The following SLC30A7 variants were observed in gnomAD, a reference collection of about 807,000 sequenced individuals.
SLC30A7 encodes the protein zinc transporter 7.
In SLC30A7, 35 loss-of-function variants were observed where a neutral mutation model predicts 46.0. The observed-to-expected ratio is 0.76, with a 90% CI of 0.58 to 1.01. The LOEUF (loss-of-function observed/expected upper bound fraction) is 1.01. SLC30A7 is among the 50% of genes least tolerant of loss of function. SLC30A7 has a pLI of 0.00. For synonymous variants in SLC30A7, 147 were observed against 157.8 expected (o/e 0.93, Z 0.51); for missense variants, 464 against 451.1 (o/e 1.03, Z -0.26).
the SLC30A7 span, chr1:100,992,621 C>T: frequency 1.9e-6 from 3 of 1,587,174 alleles, no homozygotes; most frequent in Non-Finnish European, 2.6e-6. Flanking sequence ...GAGAGCCCTT[C>T]TAGTGTCTTG....
chr1:100,904,871 G>A (rs1297277122), intron 2 of SLC30A7, among the ~76,000 whole-genome samples: 2 of 152,042 alleles, frequency 1.3e-5, no homozygotes, highest in Non-Finnish European at 1.5e-5. Context: ...CTCAACCTCA[G>A]GGGTATGATT....
chr1:100,960,071 C>G (rs192034298), intron 8 of SLC30A7, among the ~76,000 whole-genome samples: 1 of 152,290 alleles, frequency 6.6e-6, no homozygotes, highest in African/African-American at 2.4e-5. Flanking sequence ...TCTTAAATCA[C>G]TATTGACTAA....
chr1:100,940,702 A>G (rs1044910797), intron 8 of SLC30A7, among the ~76,000 whole-genome samples: 2 of 152,240 alleles, frequency 1.3e-5, no homozygotes, highest in Non-Finnish European at 2.9e-5. Flanking sequence ...TGATCGGACT[A>G]TAACATTTAG....
intron 2 of SLC30A7, among the ~76,000 whole-genome samples, chr1:100,905,980 T>G (rs1480428340): frequency 6.6e-6 from 1 of 152,308 alleles, no homozygotes; most frequent in East Asian, 1.9e-4. Flanking sequence ...AAAAGAATAA[T>G]AGAGACTGTA....
At chr1:100,943,607 C>A (rs1281716252) in intron 8 of SLC30A7, among the ~76,000 whole-genome samples, 1 of 152,132 alleles carries the variant, frequency 6.6e-6, no homozygotes, top group Non-Finnish European at 1.5e-5. Flanking sequence ...CATCCTGAAG[C>A]TACCTACAGG....
chr1:100,994,630 G>C, the SLC30A7 span, among the ~76,000 whole-genome samples: 1 of 151,474 alleles, frequency 6.6e-6, no homozygotes, highest in Non-Finnish European at 1.5e-5. Flanking sequence ...AGATTCAAGC[G>C]ATTCTCGTGC....
At chr1:100,969,773 C>T (rs746232004) in intron 10 of SLC30A7, among the ~76,000 whole-genome samples, 5 of 152,196 alleles carry the variant, frequency 3.3e-5, no homozygotes, top group Admixed American at 6.5e-5. Context: ...TGGCTCAACA[C>T]ATTTTTCCTA....
intron 8 of SLC30A7, among the ~76,000 whole-genome samples, chr1:100,951,984 C>A (rs1161514932): frequency 6.6e-6 from 1 of 152,106 alleles, no homozygotes. Flanking sequence ...GCAGAAGAGT[C>A]AGAGTCAAAG....
At position 100,981,325 on chromosome 1, in the gene SLC30A7, A is replaced by T. The variant is rs1400332366; in HGVS notation, c.*6468A>T. 4 of 152,092 alleles carry T rather than the reference A, an allele frequency of 2.6e-5. No individual in the cohort carries two copies. The highest frequency in any genetic ancestry group is 4.4e-5 in the Non-Finnish European group (3 of 67,980). The allele number at this position is 152,092 out of a possible 1,614,324, so 9.4% of individuals were successfully genotyped here. On this transcript the variant is annotated 3_prime_UTR_variant, in exon 11 of 11. Transcript: ENST00000357650. ...TTTTCCCCCAACTTTTGTGAGTTTG[A>T]TAAATAGGATGAGTCTTTTATATTG...
chr1:100,934,358 G>A lies in SLC30A7; in HGVS notation c.842+12517G>A, dbSNP rs540826649. On this transcript the variant is annotated intron_variant, in intron 8 of 10. Transcript: ENST00000357650. Reference sequence around the variant, plus strand: ...TAGAGACAGGAAGTTATCAGGACCTGAGAACAGAGATTACTAGAAAGTAGA... The same window carrying A: ...TAGAGACAGGAAGTTATCAGGACCTAAGAACAGAGATTACTAGAAAGTAGA... Among the ~76,000 whole-genome samples the A allele has an allele frequency of 2.0e-5, 3 of 152,292 alleles. No homozygotes were observed. In the East Asian group the frequency reaches 5.8e-4, roughly 29 times the overall value.
At chr1:100,961,984 C>A in intron 9 of SLC30A7, 66 bp downstream of exon 9, 2 of 959,576 alleles carry the variant, frequency 2.1e-6, no homozygotes, top group South Asian at 3.2e-5. Context: ...TTTCAGCTTT[C>A]ACAAATATGG....
At chr1:100,921,136 A>T (rs143936075) in intron 7 of SLC30A7, among the ~76,000 whole-genome samples, 2 of 152,092 alleles carry the variant, frequency 1.3e-5, no homozygotes, top group Admixed American at 1.3e-4. Flanking sequence ...AAAATATTCA[A>T]ATCAGTGCCT....
chr1:100,995,769 T>C, the SLC30A7 span: 2 of 152,290 alleles, frequency 1.3e-5, no homozygotes, highest in Non-Finnish European at 2.9e-5. Context: ...CGGTATACTT[T>C]TTAATCACTC....
At position 100,953,247 on chromosome 1, in the gene SLC30A7, G is replaced by A. The variant is rs149721474; in HGVS notation, c.843-8581G>A. Among the ~76,000 whole-genome samples, 12 of 152,224 alleles carry A rather than the reference G, an allele frequency of 7.9e-5. No individual in the cohort carries two copies. The East Asian group carries it at 1.2e-3, about 15-fold the overall frequency. ...TAAACCTCTTCTTTTCATAAATTAC[G>A]TAGTCCCAGGTAGTTTTTTATAGCA... On this transcript the variant is annotated intron_variant, in intron 8 of 10. Transcript: ENST00000357650.
chr1:100,926,285 G>A (rs1282518684), intron 8 of SLC30A7, among the ~76,000 whole-genome samples: 1 of 152,110 alleles, frequency 6.6e-6, no homozygotes, highest in Non-Finnish European at 1.5e-5. Flanking sequence ...CTGAGACTGG[G>A]TAGTCTATAA....
the SLC30A7 span, chr1:100,990,593 C>A: frequency 1.9e-6 from 3 of 1,614,046 alleles, no homozygotes; most frequent in Non-Finnish European, 1.7e-6. Context: ...TCGGCTCCAA[C>A]CCTGGCTAAG....
chr1:100,937,453 GT>G, intron 8 of SLC30A7, among the ~76,000 whole-genome samples: 1 of 152,152 alleles, frequency 6.6e-6, no homozygotes, highest in Admixed American at 6.5e-5. Flanking sequence ...TTTCTGTTTT[GT>G]TTTGTTTTTG....
intron 8 of SLC30A7, among the ~76,000 whole-genome samples, chr1:100,933,976 G>T (rs977725293): frequency 6.6e-6 from 1 of 152,126 alleles, no homozygotes; most frequent in Non-Finnish European, 1.5e-5. Flanking sequence ...TTTCATAAAT[G>T]GTGGCATAGT....
chr1:100,965,662 TAAAATGGAC>T, intron 9 of SLC30A7, 98 bp from the exon 10 acceptor site: 1 of 921,874 alleles, frequency 1.1e-6, no homozygotes, highest in Admixed American at 2.2e-5. Context: ...TTCCTTTTTT[TAAAATGGAC>T]GATAGAATCC....
Sources: gnomAD v4.1 joint callset for allele counts (sites outside exome capture counted in the v4.1 genomes callset) on GRCh38, gnomAD v4.1.1 for gene constraint, MANE v1.5 for transcripts, NCBI Gene and HGNC (gene_info 2026-07-23, HGNC 2026-07-21) for gene names.